DNAJC5: variants seen among roughly 807,000 people sequenced by gnomAD.
DNAJC5 encodes DnaJ heat shock protein family (Hsp40) member C5.
A neutral mutation model predicts 23.2 loss-of-function variants in DNAJC5; 1 was observed. The ratio of observed to expected loss-of-function variants is 0.04; its 90% confidence interval spans 0.02 to 0.20. DNAJC5 has a LOEUF of 0.20. Ranked by LOEUF, DNAJC5 falls within the 10% of genes least tolerant of loss-of-function variation. DNAJC5 has a pLI of 1.00. For missense variants in DNAJC5, 180 were observed against 267.0 expected (o/e 0.67, Z 2.27); for synonymous variants, 136 against 120.0 (o/e 1.13, Z -0.87).
intron 1 of DNAJC5, among the ~76,000 whole-genome samples, chr20:63,905,784 G>C (rs1248960992): frequency 6.6e-6 from 1 of 150,692 alleles, no homozygotes. Flanking sequence ...ACCCAGACTG[G>C]AGTGCAATGG....
rs905954468 is a variant in DNAJC5 at position 63,928,559 on chromosome 20, G to A, written c.107+107G>A. Reference sequence around the variant, plus strand: ...CCATTGCACATACTTTATCCTGGCCGACTCAGCGTTGAACTGGTCACAGCT... The same window carrying A: ...CCATTGCACATACTTTATCCTGGCCAACTCAGCGTTGAACTGGTCACAGCT... On this transcript the variant is annotated intron_variant, in intron 2 of 4. Coordinates refer to ENST00000360864, the MANE Select transcript of DNAJC5 (RefSeq NM_025219.3). The surrounding 1 kb of genome is among the most constrained non-coding windows in gnomAD (Gnocchi z 4.6). 15 of 929,488 alleles carry A rather than the reference G, an allele frequency of 1.6e-5. No homozygotes were observed. Among genetic ancestry groups the A allele is most frequent in the Middle Eastern group, 2.1e-4 (1 of 4,826 alleles). 57.6% of individuals were successfully genotyped at this position (929,488 alleles called of 1,614,324 possible).
intron 1 of DNAJC5, among the ~76,000 whole-genome samples, chr20:63,900,205 C>A (rs1359400922): frequency 6.6e-6 from 1 of 152,028 alleles, no homozygotes; most frequent in African/African-American, 2.4e-5. Context: ...TGGTCTTGAG[C>A]TCCTGGACTC....
chr20:63,898,885 C>A (rs544518037), intron 1 of DNAJC5, among the ~76,000 whole-genome samples: 3 of 152,144 alleles, frequency 2.0e-5, no homozygotes, highest in Non-Finnish European at 4.4e-5. Context: ...AGGTGAGACT[C>A]ATCGTGATGT....
At chr20:63,925,754 C>CAAA (rs11474228) in intron 1 of DNAJC5, among the ~76,000 whole-genome samples, 1 of 148,428 alleles carries the variant, frequency 6.7e-6, no homozygotes, top group Non-Finnish European at 1.5e-5. Flanking sequence ...GAGACTATCT[C>CAAA]AAAACCCCAT....
At chr20:63,903,187 G>A (rs1187450412) in intron 1 of DNAJC5, among the ~76,000 whole-genome samples, 2 of 151,750 alleles carry the variant, frequency 1.3e-5, no homozygotes, top group African/African-American at 2.4e-5. Flanking sequence ...GCCCAGGTTG[G>A]CCTTCCTGGG....
intron 1 of DNAJC5, among the ~76,000 whole-genome samples, chr20:63,899,315 T>A (rs1305978768): frequency 1.3e-5 from 2 of 152,152 alleles, no homozygotes; most frequent in African/African-American, 4.8e-5. Flanking sequence ...TAGCAGCTAG[T>A]CTGTTATCAG....
At position 63,920,002 on chromosome 20, in the gene DNAJC5, G is replaced by A. The variant is rs532211416; in HGVS notation, c.-11-8333G>A. On this transcript the variant is annotated intron_variant, in intron 1 of 4. Transcript: ENST00000360864. The surrounding 1 kb of genome is among the most constrained non-coding windows in gnomAD (Gnocchi z 4.6). The stretch of plus-strand genomic sequence containing the variant: ...CTGTGTGGACATGTGCCCAGGGCCC[G>A]GGACAGCGCCACGGAAGAGGACGCA... 5.4e-5 allele frequency: 21 copies of A among 385,790 alleles called. No homozygotes were observed. Among genetic ancestry groups the A allele is most frequent in the Admixed American group, 4.5e-4 (13 of 29,110 alleles). The allele number at this position is 385,790 out of a possible 1,614,324, so 23.9% of individuals were successfully genotyped here.
chr20:63,918,032 C>T (rs906505746), intron 1 of DNAJC5, among the ~76,000 whole-genome samples: 1 of 152,188 alleles, frequency 6.6e-6, no homozygotes, highest in African/African-American at 2.4e-5. Context: ...CCACCCACCG[C>T]GCCTGCTGCT....
intron 1 of DNAJC5, among the ~76,000 whole-genome samples, chr20:63,900,051 G>A (rs2053401951): frequency 1.3e-5 from 2 of 151,690 alleles, no homozygotes; most frequent in Non-Finnish European, 2.9e-5. Context: ...ATGACACCCG[G>A]CTAATTTTTG....
intron 1 of DNAJC5, among the ~76,000 whole-genome samples, chr20:63,925,096 C>T (rs1447727840): frequency 5.3e-5 from 8 of 152,174 alleles, no homozygotes; most frequent in Admixed American, 5.2e-4. Flanking sequence ...GGGTCTGGGG[C>T]TTTTTATGGA....
intron 1 of DNAJC5, among the ~76,000 whole-genome samples, chr20:63,914,385 G>A (rs1230596104): frequency 2.0e-5 from 3 of 152,074 alleles, no homozygotes; most frequent in Admixed American, 2.0e-4. Flanking sequence ...CGCGATCTCC[G>A]CTCACTGCAA....
chr20:63,910,619 C>T (rs2053476495), intron 1 of DNAJC5, among the ~76,000 whole-genome samples: 1 of 150,970 alleles, frequency 6.6e-6, no homozygotes, highest in South Asian at 2.1e-4. Flanking sequence ...CCCAGGAGGG[C>T]ATGAGTGTCG....
chr20:63,922,848 T>A (rs2053583459), intron 1 of DNAJC5, among the ~76,000 whole-genome samples: 1 of 152,146 alleles, frequency 6.6e-6, no homozygotes, highest in South Asian at 2.1e-4. Flanking sequence ...TTTCTAAAAA[T>A]CTAGGTTTTA....
At chr20:63,917,470 C>T (rs963307631) in intron 1 of DNAJC5, among the ~76,000 whole-genome samples, 3 of 152,178 alleles carry the variant, frequency 2.0e-5, no homozygotes, top group African/African-American at 7.2e-5. Flanking sequence ...CCAGGCTGGT[C>T]TCAAACTCCT....
intron 1 of DNAJC5, among the ~76,000 whole-genome samples, chr20:63,915,310 C>G (rs1385905315): frequency 2.0e-5 from 3 of 151,928 alleles, no homozygotes; most frequent in Admixed American, 6.6e-5. Flanking sequence ...TCTGTGACCT[C>G]AAAGGTGACT....
intron 1 of DNAJC5, among the ~76,000 whole-genome samples, chr20:63,910,385 A>G (rs1681663675): frequency 6.6e-6 from 1 of 152,052 alleles, no homozygotes; most frequent in Non-Finnish European, 1.5e-5. Flanking sequence ...TCTACTAAAA[A>G]TACAAAAATT....
In DNAJC5 at chr20:63,928,405, T is replaced by C. The variant is rs745419250; in HGVS notation, c.60T>C (p.Leu20=). Residue 20 remains leucine, a synonymous_variant, in exon 2 of 5, where the codon CTT becomes CTC. Transcript: ENST00000360864. The surrounding 1 kb of genome is among the most constrained non-coding windows in gnomAD (Gnocchi z 4.6). Reference sequence around the variant, plus strand: ...CTGGGGAGTCATTGTACCACGTCCTTGGGTTGGACAAGAACGCAACCTCAG... The same window carrying C: ...CTGGGGAGTCATTGTACCACGTCCTCGGGTTGGACAAGAACGCAACCTCAG... ...STSGESLYHV[L]GLDKNATSDD... 5.0e-6 allele frequency: 8 copies of C among 1,613,980 alleles called. No homozygotes were observed. The highest frequency in any genetic ancestry group is 6.8e-6 in the Non-Finnish European group (8 of 1,180,046).
intron 1 of DNAJC5, among the ~76,000 whole-genome samples, chr20:63,898,496 G>C (rs1384372804): frequency 1.3e-5 from 2 of 152,170 alleles, no homozygotes; most frequent in Admixed American, 6.5e-5. Context: ...CCCTGCACAA[G>C]ACATAGAGAA....
At chr20:63,900,457 AGTCC>A in intron 1 of DNAJC5, among the ~76,000 whole-genome samples, 1 of 151,538 alleles carries the variant, frequency 6.6e-6, no homozygotes, top group Admixed American at 6.6e-5. Context: ...ATGCAGCTGT[AGTCC>A]CAGCTACTCG....
Sources: gnomAD v4.1 joint callset for allele counts (sites outside exome capture counted in the v4.1 genomes callset) on GRCh38, gnomAD v4.1.1 for gene constraint, Gnocchi (gnomAD v3.1) non-coding constraint, MANE v1.5 for transcripts, NCBI Gene and HGNC (gene_info 2026-07-23, HGNC 2026-07-21) for gene names.